CMSS1: variants seen among roughly 807,000 people sequenced by gnomAD.
The protein encoded by CMSS1 is protein CMSS1.
A neutral mutation model predicts 43.5 loss-of-function variants in CMSS1; 33 were observed. That is an observed-to-expected ratio of 0.76 (90% CI 0.57 to 1.01). The LOEUF (loss-of-function observed/expected upper bound fraction) is 1.01. CMSS1 is among the 50% of genes least tolerant of loss of function. CMSS1 has a pLI of 0.00. For missense variants in CMSS1, 313 were observed against 326.4 expected, an observed-to-expected ratio of 0.96 and a Z score of 0.32; for synonymous variants, 115 against 117.2, an observed-to-expected ratio of 0.98 and a Z score of 0.12.
chr3:99,850,947 C>T, intron 1 of CMSS1: 3 of 1,614,176 alleles, frequency 1.9e-6, no homozygotes, highest in Non-Finnish European at 2.5e-6. Flanking sequence ...GCTGTTCATC[C>T]ACCACCATCA....
intron 1 of CMSS1, among the ~76,000 whole-genome samples, chr3:100,098,190 G>C (rs1329090285): frequency 6.6e-6 from 1 of 152,158 alleles, no homozygotes; most frequent in African/African-American, 2.4e-5. Context: ...TCACCAGTTA[G>C]CAGATTCACA....
chr3:99,959,586 A>G (rs1017344609), intron 1 of CMSS1, among the ~76,000 whole-genome samples: 3 of 152,236 alleles, frequency 2.0e-5, no homozygotes, highest in Non-Finnish European at 4.4e-5. Context: ...TTCCACGTGT[A>G]TAATTTCTTT....
chr3:99,920,303 GA>G (rs546234576), intron 1 of CMSS1, among the ~76,000 whole-genome samples: 4 of 149,852 alleles, frequency 2.7e-5, no homozygotes, highest in East Asian at 3.9e-4. Context: ...AACTGAAAAA[GA>G]AAAAAAAATA....
chr3:99,918,525 T>A (rs1707026077), intron 1 of CMSS1, among the ~76,000 whole-genome samples: 1 of 152,204 alleles, frequency 6.6e-6, no homozygotes, highest in Admixed American at 6.5e-5. Flanking sequence ...AAACTAAATT[T>A]CTGGGAAGGA....
chr3:100,056,803 G>A (rs1349590130), intron 1 of CMSS1, among the ~76,000 whole-genome samples: 1 of 151,460 alleles, frequency 6.6e-6, no homozygotes, highest in African/African-American at 2.4e-5. Context: ...AGGAGATCGA[G>A]ACCATCCTGG....
At chr3:99,871,164 T>A (rs191007386) in intron 1 of CMSS1, among the ~76,000 whole-genome samples, 22 of 152,332 alleles carry the variant, frequency 1.4e-4, no homozygotes, top group African/African-American at 5.1e-4. Flanking sequence ...CTAGTTAAGT[T>A]CACTGCCTTG....
chr3:99,863,375 C>CAG (rs1944355852), intron 1 of CMSS1, among the ~76,000 whole-genome samples: 1 of 152,110 alleles, frequency 6.6e-6, no homozygotes. Flanking sequence ...GGTCTTCGGC[C>CAG]CTGGGGTTGG....
At chr3:99,989,639 A>G (rs1709452388) in intron 1 of CMSS1, among the ~76,000 whole-genome samples, 1 of 150,298 alleles carries the variant, frequency 6.7e-6, no homozygotes, top group African/African-American at 2.4e-5. Flanking sequence ...CAATTTTTTC[A>G]AAATACTCAA....
chr3:99,939,677 A>G (rs1482501258), intron 1 of CMSS1, among the ~76,000 whole-genome samples: 1 of 152,200 alleles, frequency 6.6e-6, no homozygotes, highest in Non-Finnish European at 1.5e-5. Context: ...AAAATTTGAT[A>G]GTAGGTGTTT....
chr3:99,976,398 G>A (rs1339924414), intron 1 of CMSS1, among the ~76,000 whole-genome samples: 7 of 152,186 alleles, frequency 4.6e-5, no homozygotes, highest in Admixed American at 4.6e-4. Context: ...TTATTAAACT[G>A]TGTCCAAAAG....
At chr3:99,832,376 G>GCCC (rs1942702746) in intron 1 of CMSS1, among the ~76,000 whole-genome samples, 1 of 150,762 alleles carries the variant, frequency 6.6e-6, no homozygotes, top group African/African-American at 2.4e-5. Context: ...GACCACAGGC[G>GCCC]ACCGCCACCA....
At chr3:100,152,149 A>G (rs982670096) in intron 2 of CMSS1, among the ~76,000 whole-genome samples, 80 of 152,044 alleles carry the variant, frequency 5.3e-4, no homozygotes, top group Non-Finnish European at 1.3e-4. Flanking sequence ...GTAATTCTCC[A>G]TGGTTCTTGG....
chr3:99,848,606 C>T, intron 1 of CMSS1: 1 of 1,614,190 alleles, frequency 6.2e-7, no homozygotes, highest in Non-Finnish European at 8.5e-7. Flanking sequence ...GCACTGATTT[C>T]TGTTGGTTCT....
In CMSS1 at chr3:100,166,370, A is replaced by G. The variant is rs773026653; in HGVS notation, c.391A>G (p.Ser131Gly). The change falls in exon 5 of 10, where the codon AGT becomes GGT. Residue 131 changes from serine (S) to glycine (G), a missense_variant. Coordinates refer to ENST00000421999, the MANE Select transcript of CMSS1 (RefSeq NM_032359.4). ...CCTCAAGGCCAATGATTTGACTCACAGTCTTTCCTCATACCTAAAAGAAAG... is the reference window on the plus strand; with the variant it reads ...CCTCAAGGCCAATGATTTGACTCACGGTCTTTCCTCATACCTAAAAGAAAG... ...CFLKANDLTH[S>G]LSSYLKEICP... 1.3e-5 allele frequency: 21 copies of G among 1,595,734 alleles called. No individual in the cohort carries two copies. The highest frequency in any genetic ancestry group is 5.2e-6 in the Non-Finnish European group (6 of 1,163,844).
chr3:100,039,721 C>G (rs1028350734), intron 1 of CMSS1: 1 of 151,858 alleles, frequency 6.6e-6, no homozygotes, highest in East Asian at 1.9e-4. Context: ...TGGTAATTCC[C>G]CCCAGTGGTT....
chr3:100,177,596 T>C (rs2067157913), intron 9 of CMSS1, among the ~76,000 whole-genome samples: 1 of 152,228 alleles, frequency 6.6e-6, no homozygotes, highest in South Asian at 2.1e-4. Context: ...TGAAACACCT[T>C]TGTATAGCAT....
rs1193162641 is a variant in CMSS1, at chr3:100,162,293, C to T, written c.226-10C>T. On this transcript the variant is annotated splice_polypyrimidine_tract_variant and intron_variant, in intron 3 of 9. Transcript: ENST00000421999. ...ATGTCGTCCCATTTTTCTTCTTTCT[C>T]ATATCTTAGAAGAAAATTACTGATG... The T allele has an allele frequency of 1.2e-6, 2 of 1,604,160 alleles. No individual in the cohort carries two copies. The highest frequency in any genetic ancestry group is 1.7e-6 in the Non-Finnish European group (2 of 1,175,926).
chr3:99,989,398 C>T (rs1188156386), intron 1 of CMSS1, among the ~76,000 whole-genome samples: 2 of 152,142 alleles, frequency 1.3e-5, no homozygotes, highest in East Asian at 3.9e-4. Flanking sequence ...TATCACTTCC[C>T]ATTCTAGTAT....
chr3:99,838,261 C>T (rs1942979219), intron 1 of CMSS1, among the ~76,000 whole-genome samples: 1 of 152,144 alleles, frequency 6.6e-6, no homozygotes, highest in Non-Finnish European at 1.5e-5. Flanking sequence ...CCGTGCCTGC[C>T]CATTTGTGTG....
Sources: allele counts gnomAD v4.1 joint callset (sites outside exome capture counted in the v4.1 genomes callset), GRCh38; gene constraint gnomAD v4.1.1; transcripts MANE v1.5; gene names NCBI Gene and HGNC (gene_info 2026-07-23, HGNC 2026-07-21).